Variants in DOC2B observed in about 807,000 individuals in gnomAD.
DOC2B encodes the protein double C2-like domain-containing protein beta.
In DOC2B, 21 loss-of-function variants were observed where a neutral mutation model predicts 28.9. The observed-to-expected ratio is 0.73, with a 90% CI of 0.52 to 1.05. The LOEUF (loss-of-function observed/expected upper bound fraction) is 1.05, where lower values mean the gene tolerates loss of function less well. DOC2B is among the 50% of genes least tolerant of loss of function. The pLI is 0.00. For missense variants in DOC2B, 384 were observed against 421.1 expected (o/e 0.91, Z 0.77); for synonymous variants, 194 against 178.1 (o/e 1.09, Z -0.71).
chr17:156,325 G>C lies in DOC2B; in HGVS notation c.818C>G (p.Ser273Cys), dbSNP rs750908718. The C allele has an allele frequency of 2.1e-5, 32 of 1,551,464 alleles. No individual in the cohort carries two copies. The highest frequency in any genetic ancestry group is 2.7e-5 in the Non-Finnish European group (31 of 1,146,972). The change falls in exon 6 of 9, where the codon TCC becomes TGC. Residue 273 changes from serine (S) to cysteine (C), a missense_variant. Coordinates refer to ENST00000613549, the MANE Select transcript of DOC2B (RefSeq NM_003585.5). ...SLEERGRILI[S>C]LKYSSQKQGL... ...TTGCTTCTGTGAGCTGTACTTGAGG[G>C]AGATGAGGATGCGGCCCCGCTCCTC...
At position 162,195 on chromosome 17, in the gene DOC2B, A is replaced by T; in HGVS notation, c.529-5T>A. 6.5e-7 allele frequency: 1 copy of T among 1,546,954 alleles called. No individual in the cohort carries two copies. Among genetic ancestry groups the T allele is most frequent in the South Asian group, 1.2e-5 (1 of 83,960 alleles). On this transcript the variant is annotated splice_region_variant and splice_polypyrimidine_tract_variant and intron_variant, in intron 3 of 8. Transcript: ENST00000613549. ...TTTTGTTCTGAGCTTATTTGCCTGG[A>T]GAAGAGAAAAATGATCTTATTAGCA...
chr17:142,845 G>A lies in DOC2B; in HGVS notation c.*4596C>T, dbSNP rs1306263965. ...AGAAATTTCTGACCTAAAGAATGAT[G>A]TACAATAAACTGTATTCAACAATTG... On this transcript the variant is annotated 3_prime_UTR_variant, in exon 9 of 9. Transcript: ENST00000613549. 3.3e-5 allele frequency: 5 copies of A among 152,182 alleles called. No homozygotes were observed. The highest frequency in any genetic ancestry group is 1.2e-4 in the African/African-American group (5 of 41,450). 9.4% of individuals were successfully genotyped at this position (152,182 alleles called of 1,614,324 possible).
At chr17:154,213 T>G (rs926574506) in intron 6 of DOC2B, among the ~76,000 whole-genome samples, 1 of 150,236 alleles carries the variant, frequency 6.7e-6, no homozygotes, top group Admixed American at 6.6e-5. Flanking sequence ...AGGGCTGATA[T>G]TCCACACACC....
intron 2 of DOC2B, among the ~76,000 whole-genome samples, chr17:165,473 C>A (rs1448971900): frequency 1.3e-5 from 2 of 148,732 alleles, no homozygotes; most frequent in African/African-American, 5.0e-5. Flanking sequence ...CAGAGTGAGA[C>A]CCTGTCTCAA....
chr17:147,944 CTT>C (rs2040033422), intron 8 of DOC2B, among the ~76,000 whole-genome samples: 1 of 152,174 alleles, frequency 6.6e-6, no homozygotes, highest in African/African-American at 2.4e-5. Flanking sequence ...ATCATTGTCT[CTT>C]GTCTGTGCTC....
At chr17:179,524 G>A (rs140977591) in intron 1 of DOC2B, among the ~76,000 whole-genome samples, 4,355 of 152,352 alleles carry the variant, frequency 0.029, 209 homozygotes, top group African/African-American at 0.099. Flanking sequence ...AGAGATGCCA[G>A]AAATGGGAAC....
At chr17:169,652 C>T (rs1444455847) in intron 2 of DOC2B, among the ~76,000 whole-genome samples, 1 of 152,064 alleles carries the variant, frequency 6.6e-6, no homozygotes, top group Non-Finnish European at 1.5e-5. Context: ...GACAACCAAC[C>T]CTATTTACAG....
chr17:172,732 G>A (rs2040326885), intron 1 of DOC2B, 116 bp from the exon 2 acceptor site: 12 of 776,148 alleles, frequency 1.5e-5, no homozygotes, highest in Non-Finnish European at 2.4e-5. Flanking sequence ...CATGGCGGCT[G>A]CCACCAACCA....
intron 2 of DOC2B, among the ~76,000 whole-genome samples, chr17:170,580 G>A (rs1445148595): frequency 2.6e-5 from 4 of 152,178 alleles, no homozygotes; most frequent in South Asian, 4.1e-4. Flanking sequence ...GCTGGCTCAG[G>A]CCCTTACATG....
chr17:166,589 G>A (rs1555523919), intron 2 of DOC2B, among the ~76,000 whole-genome samples: 1 of 152,258 alleles, frequency 6.6e-6, no homozygotes, highest in Non-Finnish European at 1.5e-5. Context: ...ACAAGGGGAG[G>A]TTTCTCCCAG....
intron 5 of DOC2B, among the ~76,000 whole-genome samples, chr17:160,226 C>T (rs1328001541): frequency 6.6e-6 from 1 of 152,158 alleles, no homozygotes; most frequent in Non-Finnish European, 1.5e-5. Context: ...TCATGACCCA[C>T]CTGCCTTGGC....
chr17:162,089 C>A lies in DOC2B; in HGVS notation c.630G>T (p.Lys210Asn). 6.4e-7 allele frequency: 1 copy of A among 1,551,228 alleles called. No homozygotes were observed. The highest frequency in any genetic ancestry group is 8.7e-7 in the Non-Finnish European group (1 of 1,146,574). ...CTGGGACCCTCACCCACCGCAGGGT[C>A]TTGCGGATCATGTCTTCATCTGTGA... is the stretch of plus-strand genomic sequence containing the variant. Reference protein sequence around the residue: ...YGITDEDMIRKTLRISVCDED... With the variant: ...YGITDEDMIRNTLRISVCDED... Residue 210 changes from lysine to asparagine, a missense_variant, in exon 4 of 9, where the codon AAG becomes AAT. Lys to Asn is a moderately conservative substitution (Grantham distance 94). Coordinates refer to ENST00000613549, the MANE Select transcript of DOC2B (RefSeq NM_003585.5).
rs1028901711 is a variant in DOC2B at position 181,369 on chromosome 17, G to C, written c.111C>G (p.Phe37Leu). 8.8e-7 allele frequency: 1 copy of C among 1,137,318 alleles called. No homozygotes were observed. The highest frequency in any genetic ancestry group is 1.1e-6 in the Non-Finnish European group (1 of 924,904). 70.5% of individuals were successfully genotyped at this position (1,137,318 alleles called of 1,614,324 possible). The part of the protein sequence containing the change: ...IRPIKQISDY[F>L]PRFPRGLPPD... ...GGGGCAGGCCCCGCGGGAAGCGGGG[G>C]AAGTAGTCGGAGATCTGCTTGATGG... The change falls in exon 1 of 9, where the codon TTC (phenylalanine) becomes TTG (leucine). Residue 37 changes from phenylalanine to leucine, a missense_variant. By Grantham distance (22) the Phe-to-Leu change is conservative (BLOSUM62 0). Transcript: ENST00000613549. This position sits in a 1 kb window ranked among gnomAD's most constrained non-coding sequence, Gnocchi z 7.0.
Position 161,326 on chromosome 17 carries a change from C to G in DOC2B, c.765+89G>C, listed in dbSNP as rs192464890. 3.7e-6 allele frequency: 5 copies of G among 1,361,676 alleles called. No individual in the cohort carries two copies. The East Asian group carries it at 1.3e-4, about 34-fold the overall frequency. 84.3% of individuals were successfully genotyped at this position (1,361,676 alleles called of 1,614,324 possible). ...TCCCCTCCCCTCTCACTCTGCCCCT[C>G]ATGAGTCCCATCACAGGCAGGAAGT... is the stretch of plus-strand genomic sequence containing the variant. On this transcript the variant is annotated intron_variant, in intron 5 of 8. Transcript: ENST00000613549.
At chr17:163,251 G>A (rs141453740) in intron 3 of DOC2B, among the ~76,000 whole-genome samples, 10 of 152,226 alleles carry the variant, frequency 6.6e-5, no homozygotes, top group African/African-American at 2.2e-4. Context: ...ATATCCCTGA[G>A]CCCTTCTTGC....
chr17:179,861 T>C (rs1211214596), intron 1 of DOC2B, among the ~76,000 whole-genome samples: 1 of 152,254 alleles, frequency 6.6e-6, no homozygotes, highest in Non-Finnish European at 1.5e-5. Flanking sequence ...GCAGGCAGTT[T>C]CCCCTACAGG....
chr17:148,738 G>C (rs2040041711), intron 7 of DOC2B, among the ~76,000 whole-genome samples: 1 of 152,112 alleles, frequency 6.6e-6, no homozygotes, highest in Non-Finnish European at 1.5e-5. Context: ...TGTTCCTTGG[G>C]GGGAATCCGC....
intron 6 of DOC2B, 148 bp from the exon 7 acceptor site, chr17:149,340 T>G: frequency 2.5e-6 from 1 of 397,242 alleles, no homozygotes. Flanking sequence ...CCCAACGCTA[T>G]TTTGTGGCAA....
In DOC2B at chr17:179,398, C is replaced by CAA. The variant is rs770987974; in HGVS notation, c.373+1707_373+1708dup. On this transcript the variant is annotated intron_variant, in intron 1 of 8. Coordinates refer to ENST00000613549, the MANE Select transcript of DOC2B (RefSeq NM_003585.5). ...CCTTGCTTTGTGGGTTCAGAGACAG[C>CAA]AAAAAAAAGAAAAAGAAAAAGCCTC... 3.7e-4 allele frequency among the ~76,000 whole-genome samples: 52 copies of CAA among 139,056 alleles called. 3 individuals are homozygous for CAA. Among genetic ancestry groups the CAA allele is most frequent in the African/African-American group, 9.2e-4 (35 of 37,898 alleles). The allele number at this position is 139,056 out of a possible 152,430, so 91.2% of individuals were successfully genotyped here. A position where few individuals can be genotyped will look rare whatever the true frequency, so the allele number is the denominator to read the frequency against.
Sources: gnomAD v4.1 joint callset for allele counts (sites outside exome capture counted in the v4.1 genomes callset) on GRCh38, gnomAD v4.1.1 for gene constraint, Gnocchi (gnomAD v3.1) non-coding constraint, MANE v1.5 for transcripts, NCBI Gene and HGNC (gene_info 2026-07-23, HGNC 2026-07-21) for gene names.